The following CCNL1 variants were observed in gnomAD, a reference collection of about 807,000 sequenced individuals.
CCNL1 encodes cyclin L1, also known as cyclin-L1.
Under a neutral mutation model 60.6 loss-of-function variants are expected in CCNL1, and 13 were observed. The observed-to-expected ratio is 0.21, with a 90% CI of 0.14 to 0.34. CCNL1 has a LOEUF of 0.34. Among genes scored for constraint, CCNL1 ranks in the 10% least tolerant of loss-of-function variants. The pLI is 1.00. For synonymous variants in CCNL1, 270 were observed against 244.3 expected (o/e 1.10, Z -0.98); for missense variants, 481 against 664.3 (o/e 0.72, Z 3.03).
chr3:157,159,539 C>T, intron 1 of CCNL1, 60 bp from the exon 2 acceptor site: 1 of 1,492,654 alleles, frequency 6.7e-7, no homozygotes, highest in Non-Finnish European at 9.2e-7. Context: ...CCAGGCGCCG[C>T]CGCCATTTTG....
intron 2 of CCNL1, 167 bp from the exon 3 acceptor site, chr3:157,159,142 T>C (rs1738857062): frequency 3.2e-6 from 2 of 629,776 alleles, no homozygotes; most frequent in Admixed American, 3.0e-5. Context: ...TTAACTCATC[T>C]TAATTTTGGT....
chr3:157,150,423 A>G (rs1294917037), intron 5 of CCNL1, 42 bp from the exon 6 acceptor site: 1 of 1,591,262 alleles, frequency 6.3e-7, no homozygotes, highest in South Asian at 1.1e-5. Flanking sequence ...TAAACAAACC[A>G]GTTCTTCTGA....
chr3:157,148,879 G>A (rs1018569140), intron 10 of CCNL1: 1 of 373,242 alleles, frequency 2.7e-6, no homozygotes, highest in Admixed American at 4.2e-5. Context: ...AAAAGACATT[G>A]AAGAGCCACG....
At chr3:157,156,014 T>C (rs1738594375) in intron 3 of CCNL1, among the ~76,000 whole-genome samples, 1 of 152,244 alleles carries the variant, frequency 6.6e-6, no homozygotes, top group South Asian at 2.1e-4. Flanking sequence ...TTTATTATTA[T>C]GGTTTGTTAG....
chr3:157,157,527 G>C (rs991182777), intron 3 of CCNL1, among the ~76,000 whole-genome samples: 2 of 152,186 alleles, frequency 1.3e-5, no homozygotes, highest in African/African-American at 2.4e-5. Context: ...CCTTGTATTA[G>C]TGTCATTACT....
In CCNL1 at chr3:157,147,631, G is replaced by A; in HGVS notation, c.*610C>T. Reference sequence around the variant, plus strand: ...CCCATTTACTTTTTCCATATATACAGTGAAGACTTACAATAGCTCACAATG... The same window carrying A: ...CCCATTTACTTTTTCCATATATACAATGAAGACTTACAATAGCTCACAATG... On this transcript the variant is annotated 3_prime_UTR_variant, in exon 11 of 11. Transcript: ENST00000295926. 1 of 985,110 alleles carries A rather than the reference G, an allele frequency of 1.0e-6. No individual in the cohort carries two copies. The highest frequency in any genetic ancestry group is 1.2e-6 in the Non-Finnish European group (1 of 829,686). 61.0% of individuals were successfully genotyped at this position (985,110 alleles called of 1,614,324 possible).
chr3:157,149,231 C>T, intron 10 of CCNL1, 56 bp downstream of exon 10: 2 of 1,363,110 alleles, frequency 1.5e-6, no homozygotes, highest in South Asian at 1.2e-5. Flanking sequence ...AAAGAAAAAG[C>T]AATAACCTTT....
rs376924944 is a variant in CCNL1, at chr3:157,158,913, T to C, written c.441A>G (p.Arg147=). The change falls in exon 3 of 11, where the codon AGA becomes AGG. Residue 147 remains arginine (R), a synonymous_variant. Transcript: ENST00000295926. ...SKIEEAPRRI[R]DVINVFHHLR... is the part of the protein sequence containing the mutation. ...GGTGGTGGAATACATTAATCACATCTCTTATTCTTCTAGGTGCTTCTTCGA... is the reference window on the plus strand; with the variant it reads ...GGTGGTGGAATACATTAATCACATCCCTTATTCTTCTAGGTGCTTCTTCGA... 1.9e-6 allele frequency: 3 copies of C among 1,613,528 alleles called. No homozygotes were observed. The highest frequency in any genetic ancestry group is 1.1e-5 in the South Asian group (1 of 91,066).
At chr3:157,153,220 T>A in intron 3 of CCNL1, 64 bp from the exon 4 acceptor site, 1 of 1,543,686 alleles carries the variant, frequency 6.5e-7, no homozygotes, top group Non-Finnish European at 8.8e-7. Context: ...ATTTGTGGCA[T>A]CTCCATTTTC....
At chr3:157,158,398 C>CT (rs1425779433) in intron 3 of CCNL1, among the ~76,000 whole-genome samples, 6 of 152,196 alleles carry the variant, frequency 3.9e-5, no homozygotes, top group East Asian at 1.9e-4. Context: ...GAGAAGTACT[C>CT]TAACAAAAGC....
Position 157,159,496 on chromosome 3 carries a change from A to G in CCNL1, c.304-17T>C, listed in dbSNP as rs1207513038. ...CATCGCCACCTGCAGACAAGAGAGG[A>G]GAACGGAAGCGCAGGGGTCAGGCGG... On this transcript the variant is annotated splice_polypyrimidine_tract_variant and intron_variant, in intron 1 of 10. Transcript: ENST00000295926. 1 of 1,611,048 alleles carries G rather than the reference A, an allele frequency of 6.2e-7. No individual in the cohort carries two copies. The highest frequency in any genetic ancestry group is 2.2e-5 in the East Asian group (1 of 44,784).
At chr3:157,158,298 T>C (rs1451819527) in intron 3 of CCNL1, among the ~76,000 whole-genome samples, 1 of 152,248 alleles carries the variant, frequency 6.6e-6, no homozygotes, top group Non-Finnish European at 1.5e-5. Context: ...ACAAAATACC[T>C]GTTTAATCCC....
chr3:157,152,588 T>C (rs1738275678), intron 4 of CCNL1: 4 of 1,076,488 alleles, frequency 3.7e-6, no homozygotes, highest in South Asian at 5.9e-5. Context: ...ACTCACTCTA[T>C]GGCTTATATT....
At chr3:157,143,807 C>G (rs1292445226), downstream of CCNL1, among the ~76,000 whole-genome samples, 1 of 152,044 alleles carries the variant, frequency 6.6e-6, no homozygotes, top group Non-Finnish European at 1.5e-5. Context: ...GCAATAAAGG[C>G]TCAGGAAGAG....
chr3:157,149,897 C>A lies in CCNL1; in HGVS notation c.960G>T (p.Leu320Phe). Residue 320 changes from leucine to phenylalanine, a missense_variant, in exon 8 of 11, where the codon TTG becomes TTT. Around this residue, in one of 5 missense-constraint regions of CCNL1, gnomAD observed 75 missense variants for 129.6 expected, o/e 0.58. Coordinates refer to ENST00000295926, the MANE Select transcript of CCNL1 (RefSeq NM_020307.4). ...AAAGGGCTGGAGTTCCATCCGGATTCAATCCCTTTGCTTTTAATTTGGCTT... is the reference window on the plus strand; with the variant it reads ...AAAGGGCTGGAGTTCCATCCGGATTAAATCCCTTTGCTTTTAATTTGGCTT... ...LQEAKLKAKGLNPDGTPALST... is the reference protein window; with the variant it reads ...LQEAKLKAKGFNPDGTPALST... 6.2e-7 allele frequency: 1 copy of A among 1,614,110 alleles called. No homozygotes were observed. Among genetic ancestry groups the A allele is most frequent in the East Asian group, 2.2e-5 (1 of 44,880 alleles).
Position 157,152,164 on chromosome 3 carries a change from A to G in CCNL1, c.674+13T>C. 2 of 1,607,798 alleles carry G rather than the reference A, an allele frequency of 1.2e-6. No homozygotes were observed. Among genetic ancestry groups the G allele is most frequent in the Admixed American group, 1.7e-5 (1 of 58,388 alleles). On this transcript the variant is annotated intron_variant, in intron 5 of 10. Coordinates refer to ENST00000295926, the MANE Select transcript of CCNL1 (RefSeq NM_020307.4). ...TTTCCTGGCTAGGAAAGAAATCTAA[A>G]AAAGTGACTTACCAGGCAGTTTGAA...
downstream of CCNL1, among the ~76,000 whole-genome samples, chr3:157,145,074 CT>C (rs1231826141): frequency 6.6e-6 from 1 of 152,118 alleles, no homozygotes; most frequent in African/African-American, 2.4e-5. Context: ...TTTCACTGGT[CT>C]TTAAACTAAA....
rs1029659431 is a variant in CCNL1 at position 157,149,511 on chromosome 3, T to C, written c.1107A>G (p.Gln369=). 1.4e-5 allele frequency: 23 copies of C among 1,613,958 alleles called. No homozygotes were observed. The highest frequency in any genetic ancestry group is 2.2e-5 in the East Asian group (1 of 44,892). ...KTVKKEPEDR[Q]QASKSPYNGV... ...CATTGTAAGGGCTTTTGGAAGCCTG[T>C]TGTCTATCCTCAGGTTCTTTTTTGA... The change falls in exon 9 of 11, where the codon CAA becomes CAG. Residue 369 remains glutamine, a synonymous_variant. Coordinates refer to ENST00000295926, the MANE Select transcript of CCNL1 (RefSeq NM_020307.4).
chr3:157,147,422 TA>T, downstream of CCNL1: 1 of 247,032 alleles, frequency 4.0e-6, no homozygotes, highest in Non-Finnish European at 6.5e-6. Flanking sequence ...ATTAAATGCC[TA>T]AATTATACAG....
Sources: allele counts gnomAD v4.1 joint callset (sites outside exome capture counted in the v4.1 genomes callset), GRCh38; gene constraint gnomAD v4.1.1; regional missense constraint gnomAD v4.1.1; transcripts MANE v1.5; gene names NCBI Gene and HGNC (gene_info 2026-07-23, HGNC 2026-07-21).